CEP112: variants seen among roughly 807,000 people sequenced by gnomAD.
CEP112 encodes centrosomal protein 112, also known as centrosomal protein of 112 kDa.
Under a neutral mutation model 153.0 loss-of-function variants are expected in CEP112, and 127 were observed. That is an observed-to-expected ratio of 0.83 (90% CI 0.72 to 0.96). The LOEUF (loss-of-function observed/expected upper bound fraction) is 0.96. Among genes scored for constraint, CEP112 ranks in the 40% least tolerant of loss-of-function variants. The probability of loss-of-function intolerance (pLI) is 0.00; values close to 1 mark genes in which losing one functional copy is unlikely to be tolerated. For synonymous variants in CEP112, 358 were observed against 374.4 expected (o/e 0.96, Z 0.51); for missense variants, 1,089 against 1,101.2 (o/e 0.99, Z 0.16).
intron 19 of CEP112, among the ~76,000 whole-genome samples, chr17:65,916,716 T>C (rs1480391858): frequency 3.0e-5 from 3 of 101,498 alleles, no homozygotes; most frequent in Non-Finnish European, 6.6e-5. Context: ...CAGTCTAATT[T>C]TTTTTTTTTA....
At chr17:66,171,717 T>C (rs944402844) in intron 4 of CEP112, among the ~76,000 whole-genome samples, 9 of 152,226 alleles carry the variant, frequency 5.9e-5, no homozygotes, top group East Asian at 1.9e-4. Context: ...TCTTCATGTA[T>C]GTAAAAACTA....
At chr17:65,650,730 T>TAAAA (rs71361240) in intron 24 of CEP112, among the ~76,000 whole-genome samples, 8,308 of 42,630 alleles carry the variant, frequency 0.19, 562 homozygotes, top group East Asian at 0.49. Context: ...AACTCTCTAC[T>TAAAA]AAAAAAAAAA....
chr17:66,008,565 T>G (rs964451839), intron 16 of CEP112, among the ~76,000 whole-genome samples: 1 of 152,106 alleles, frequency 6.6e-6, no homozygotes, highest in Non-Finnish European at 1.5e-5. Flanking sequence ...CAGTCTGGTA[T>G]AAAATGCCTG....
chr17:65,895,578 G>A (rs963524235), intron 20 of CEP112, among the ~76,000 whole-genome samples: 1 of 152,070 alleles, frequency 6.6e-6, no homozygotes, highest in African/African-American at 2.4e-5. Context: ...ACCAGGCAAA[G>A]ATTCCTATAT....
At chr17:65,664,193 C>T (rs1439035231) in intron 24 of CEP112, among the ~76,000 whole-genome samples, 4 of 152,106 alleles carry the variant, frequency 2.6e-5, no homozygotes, top group African/African-American at 9.7e-5. Flanking sequence ...GAGCTGTGCT[C>T]CCAAAGCTGA....
At chr17:66,161,305 C>T (rs1011692608) in intron 4 of CEP112, among the ~76,000 whole-genome samples, 2 of 152,132 alleles carry the variant, frequency 1.3e-5, no homozygotes, top group Non-Finnish European at 2.9e-5. Context: ...ACCAGAAATA[C>T]CATTTGACCT....
intron 4 of CEP112, among the ~76,000 whole-genome samples, chr17:66,140,149 C>T (rs1286181485): frequency 1.3e-5 from 2 of 152,046 alleles, no homozygotes; most frequent in Non-Finnish European, 2.9e-5. Context: ...ATGCGATACC[C>T]CACATTAACA....
chr17:65,712,457 A>G (rs1567900801), intron 23 of CEP112, among the ~76,000 whole-genome samples: 1 of 151,620 alleles, frequency 6.6e-6, no homozygotes, highest in South Asian at 2.1e-4. Context: ...AACATTGCTT[A>G]TATCTCAGGC....
chr17:65,639,823 T>TC (rs1491541264), intron 25 of CEP112, among the ~76,000 whole-genome samples: 2 of 146,820 alleles, frequency 1.4e-5, no homozygotes, highest in Non-Finnish European at 3.0e-5. Context: ...TTCTTTTTTT[T>TC]CTCTCTTTCT....
At chr17:65,881,006 G>A (rs2059045202) in intron 20 of CEP112, among the ~76,000 whole-genome samples, 1 of 152,154 alleles carries the variant, frequency 6.6e-6, no homozygotes, top group Non-Finnish European at 1.5e-5. Context: ...CACAAGGTCA[G>A]GAGATCCAGA....
intron 21 of CEP112, among the ~76,000 whole-genome samples, chr17:65,827,211 T>C (rs1387542832): frequency 6.6e-6 from 1 of 152,228 alleles, no homozygotes; most frequent in East Asian, 1.9e-4. Flanking sequence ...TTTTAGGACT[T>C]GGACTGGCTT....
intron 24 of CEP112, among the ~76,000 whole-genome samples, chr17:65,687,160 ATTTTTTTT>A (rs35675811): frequency 1.6e-4 from 14 of 90,162 alleles, no homozygotes; most frequent in African/African-American, 5.7e-4. Context: ...GTTATTATTA[ATTTTTTTT>A]TTTTTTTTTT....
intron 18 of CEP112, among the ~76,000 whole-genome samples, chr17:65,950,260 T>C (rs2061778859): frequency 6.6e-6 from 1 of 152,194 alleles, no homozygotes; most frequent in Non-Finnish European, 1.5e-5. Flanking sequence ...TGTCAATTTC[T>C]ACCAAAAATT....
chr17:66,166,560 G>A (rs2071967479), intron 4 of CEP112, among the ~76,000 whole-genome samples: 1 of 152,034 alleles, frequency 6.6e-6, no homozygotes, highest in African/African-American at 2.4e-5. Context: ...TGTTCTTTGA[G>A]ATAAAGCATG....
chr17:65,693,130 C>T (rs1401808006), intron 23 of CEP112, among the ~76,000 whole-genome samples: 1 of 152,098 alleles, frequency 6.6e-6, no homozygotes, highest in Admixed American at 6.5e-5. Context: ...AGAAAGATGG[C>T]ATGCCTCTCC....
intron 21 of CEP112, chr17:65,826,572 C>A: frequency 7.8e-7 from 1 of 1,277,658 alleles, no homozygotes; most frequent in Non-Finnish European, 9.9e-7. Context: ...GGCCAGCACA[C>A]CTTCTTTGTG....
chr17:65,995,932 C>T (rs1377762012), intron 17 of CEP112, among the ~76,000 whole-genome samples: 2 of 152,144 alleles, frequency 1.3e-5, no homozygotes, highest in Non-Finnish European at 2.9e-5. Flanking sequence ...TAAGAAGTGC[C>T]TTTCGCTTTC....
intron 21 of CEP112, among the ~76,000 whole-genome samples, chr17:65,822,100 T>C (rs1298349335): frequency 2.0e-5 from 3 of 151,928 alleles, no homozygotes; most frequent in African/African-American, 7.2e-5. Flanking sequence ...TATTTCTATA[T>C]CATTTTATTT....
intron 24 of CEP112, among the ~76,000 whole-genome samples, chr17:65,663,225 G>A (rs562618400): frequency 6.6e-6 from 1 of 152,264 alleles, no homozygotes; most frequent in Non-Finnish European, 1.5e-5. Flanking sequence ...CTGTACTAAA[G>A]GTGGCTTATG....
Sources: allele counts gnomAD v4.1 joint callset (sites outside exome capture counted in the v4.1 genomes callset), GRCh38; gene constraint gnomAD v4.1.1; transcripts MANE v1.5; gene names NCBI Gene and HGNC (gene_info 2026-07-23, HGNC 2026-07-21).